Variants in INTS15 observed in about 807,000 individuals in gnomAD.
INTS15 encodes integrator complex subunit 15, also known as uncharacterized protein C7orf26.
the INTS15 span, among the ~76,000 whole-genome samples, chr7:6,607,386 G>C: frequency 6.6e-6 from 1 of 151,496 alleles, no homozygotes. This position sits in a 1 kb window ranked among gnomAD's most constrained non-coding sequence, Gnocchi z 6.0. Flanking sequence ...GCTGGGTGCT[G>C]GGCGGGGTGG....
chr7:6,597,679 C>A, the INTS15 span, among the ~76,000 whole-genome samples: 1 of 152,158 alleles, frequency 6.6e-6, no homozygotes, highest in Admixed American at 6.6e-5. Context: ...GCATATGGAA[C>A]AGGAAAGAAT....
chr7:6,597,597 C>G, the INTS15 span, among the ~76,000 whole-genome samples: 4 of 152,138 alleles, frequency 2.6e-5, no homozygotes, highest in Admixed American at 6.6e-5. Context: ...ACCCGACCTA[C>G]CTTTTAAGTC....
the INTS15 span, among the ~76,000 whole-genome samples, chr7:6,595,122 C>T: frequency 6.6e-6 from 1 of 152,266 alleles, no homozygotes; most frequent in South Asian, 2.1e-4. Flanking sequence ...GTCTCTGCCC[C>T]CAAGGCTCAA....
chr7:6,599,833 C>T, the INTS15 span: 5 of 1,612,022 alleles, frequency 3.1e-6, no homozygotes, highest in African/African-American at 5.3e-5. Flanking sequence ...TTGCAGATGA[C>T]CTCATTCCAC....
the INTS15 span, chr7:6,590,544 A>AG: frequency 4.2e-6 from 6 of 1,430,872 alleles, no homozygotes; most frequent in African/African-American, 7.5e-5. Flanking sequence ...CCAGCGATGC[A>AG]GGGCTGTGTC....
chr7:6,604,393 AC>A, the INTS15 span, among the ~76,000 whole-genome samples: 1 of 152,210 alleles, frequency 6.6e-6, no homozygotes, highest in Non-Finnish European at 1.5e-5. Flanking sequence ...ACAAATAGTA[AC>A]TGACTGCTGG....
the INTS15 span, among the ~76,000 whole-genome samples, chr7:6,592,332 G>T: frequency 2.0e-5 from 3 of 151,914 alleles, no homozygotes; most frequent in Non-Finnish European, 4.4e-5. Context: ...TTGGGAGGCC[G>T]AAGGGGGGCA....
At chr7:6,599,972 G>C in the INTS15 span, 1 of 1,614,190 alleles carries the variant, frequency 6.2e-7, no homozygotes, top group Non-Finnish European at 8.5e-7. Flanking sequence ...CCCGCTCGTT[G>C]GATTGATCCG....
chr7:6,608,075 C>G, the INTS15 span: 1 of 1,578,388 alleles, frequency 6.3e-7, no homozygotes, highest in Non-Finnish European at 8.6e-7. Flanking sequence ...TGTCCCGGCC[C>G]ACCCCGCCGC....
the INTS15 span, chr7:6,608,092 C>CCCCCCA: frequency 6.3e-7 from 1 of 1,577,404 alleles, no homozygotes; most frequent in Non-Finnish European, 8.6e-7. Context: ...CCGCCCACCC[C>CCCCCCA]GCCCTGCCCA....
chr7:6,594,498 G>A, the INTS15 span: 2 of 1,614,100 alleles, frequency 1.2e-6, no homozygotes, highest in Non-Finnish European at 1.7e-6. Context: ...CTGCTGTTTG[G>A]TGCCGGGATC....
the INTS15 span, among the ~76,000 whole-genome samples, chr7:6,607,269 C>T: frequency 6.6e-6 from 1 of 152,202 alleles, no homozygotes; most frequent in South Asian, 2.1e-4. This position sits in a 1 kb window ranked among gnomAD's most constrained non-coding sequence, Gnocchi z 6.0. Flanking sequence ...CGTGGTTGTG[C>T]TGTACCACCA....
At chr7:6,594,456 G>C in the INTS15 span, 1 of 1,614,134 alleles carries the variant, frequency 6.2e-7, no homozygotes, top group Non-Finnish European at 8.5e-7. Flanking sequence ...GGTTTACTGT[G>C]TGAGGTTAGC....
chr7:6,590,527 C>T, the INTS15 span: 34 of 1,491,298 alleles, frequency 2.3e-5, no homozygotes, highest in Non-Finnish European at 2.9e-5. Flanking sequence ...GCGGGCGGGC[C>T]TTTTCCCCAG....
chr7:6,608,445 C>T, the INTS15 span: 1 of 1,308,312 alleles, frequency 7.6e-7, no homozygotes, highest in Non-Finnish European at 9.8e-7. Flanking sequence ...GCATTTCAGA[C>T]ACAGCCTGTG....
chr7:6,593,157 A>G, the INTS15 span, among the ~76,000 whole-genome samples: 3 of 152,300 alleles, frequency 2.0e-5, no homozygotes, highest in East Asian at 3.9e-4. Flanking sequence ...AGGGCGAGAT[A>G]GTGAACTGTC....
the INTS15 span, among the ~76,000 whole-genome samples, chr7:6,601,807 C>T: frequency 1.3e-5 from 2 of 151,096 alleles, no homozygotes; most frequent in Admixed American, 6.6e-5. Flanking sequence ...CAGGTGCCCA[C>T]CACCACTCCT....
chr7:6,607,997 T>C, the INTS15 span: 1 of 1,600,248 alleles, frequency 6.2e-7, no homozygotes, highest in Non-Finnish European at 8.5e-7. The surrounding 1 kb of genome is among the most constrained non-coding windows in gnomAD (Gnocchi z 6.0). Flanking sequence ...CGTGCAGCAG[T>C]CGCCTCACGC....
the INTS15 span, among the ~76,000 whole-genome samples, chr7:6,599,325 G>A: frequency 5.3e-5 from 8 of 152,214 alleles, no homozygotes; most frequent in African/African-American, 1.9e-4. Flanking sequence ...CTTAGATGAG[G>A]GTTCCAAGTT....
Sources: allele counts gnomAD v4.1 joint callset (sites outside exome capture counted in the v4.1 genomes callset), GRCh38; gene constraint gnomAD v4.1.1; non-coding constraint Gnocchi (gnomAD v3.1); transcripts MANE v1.5; gene names NCBI Gene and HGNC (gene_info 2026-07-23, HGNC 2026-07-21).